Variants in LAMC3 observed in about 807,000 individuals in gnomAD.
The protein encoded by LAMC3 is laminin subunit gamma-3.
Under a neutral mutation model 173.8 loss-of-function variants are expected in LAMC3, and 128 were observed. That is an observed-to-expected ratio of 0.74 (90% CI 0.64 to 0.85). LAMC3 has a LOEUF of 0.85. Among genes scored for constraint, LAMC3 ranks in the 40% least tolerant of loss-of-function variants. The probability of loss-of-function intolerance (pLI) is 0.00; values close to 1 mark genes in which losing one functional copy is unlikely to be tolerated. For synonymous variants in LAMC3, 897 were observed against 909.1 expected (o/e 0.99, Z 0.24); for missense variants, 2,022 against 2,156.0 (o/e 0.94, Z 1.23).
intron 2 of LAMC3, 63 bp from the exon 3 acceptor site, chr9:131,031,982 C>G: frequency 6.2e-7 from 1 of 1,613,162 alleles, no homozygotes; most frequent in Non-Finnish European, 8.5e-7. Context: ...GCCAGCAGAG[C>G]GATGGGGGTA....
chr9:131,033,775 A>G (rs987250518), intron 3 of LAMC3, among the ~76,000 whole-genome samples: 2 of 152,064 alleles, frequency 1.3e-5, no homozygotes, highest in African/African-American at 4.8e-5. Context: ...CTGAGGATGG[A>G]AACGCAGCTC....
Position 131,052,861 on chromosome 9 carries a change from C to A in LAMC3, c.1835C>A (p.Thr612Asn), listed in dbSNP as rs1588152894. Residue 612 changes from threonine to asparagine, a missense_variant, in exon 11 of 28, where the codon ACC becomes AAC. Thr to Asn is a moderately conservative substitution (Grantham distance 65). Coordinates refer to ENST00000361069, the MANE Select transcript of LAMC3 (RefSeq NM_006059.4). Reference protein sequence around the residue: ...EVELRFHLQETSEDVAPPLPP... With the variant: ...EVELRFHLQENSEDVAPPLPP... Reference sequence around the variant, plus strand: ...GCTTCTCTCGCCAGCCTGCAGGAGACCTCCGAGGACGTGGCCCCTCCACTG... The same window carrying A: ...GCTTCTCTCGCCAGCCTGCAGGAGAACTCCGAGGACGTGGCCCCTCCACTG... 6.2e-7 allele frequency: 1 copy of A among 1,612,788 alleles called. No homozygotes were observed. The highest frequency in any genetic ancestry group is 8.5e-7 in the Non-Finnish European group (1 of 1,179,052).
chr9:131,045,239 A>ACAC (rs1834131021), intron 7 of LAMC3, among the ~76,000 whole-genome samples: 1 of 146,876 alleles, frequency 6.8e-6, no homozygotes, highest in Non-Finnish European at 1.5e-5. Flanking sequence ...AAAAAAAACA[A>ACAC]CAACAACAAA....
chr9:131,039,237 G>T lies in LAMC3; in HGVS notation c.1272G>T (p.Glu424Asp). ...RCLPGFHSLS[E>D]GGCRPCTCNP... ...TGCCCGGGTTCCACTCGCTCAGTGAGGGAGGCTGCAGGTGAGGGCGAGGGG... is the reference window on the plus strand; with the variant it reads ...TGCCCGGGTTCCACTCGCTCAGTGATGGAGGCTGCAGGTGAGGGCGAGGGG... The change falls in exon 6 of 28, where the codon GAG (glutamate) becomes GAT (aspartate). Residue 424 changes from glutamate (E) to aspartate (D), a missense_variant. Transcript: ENST00000361069. 4 of 1,605,030 alleles carry T rather than the reference G, an allele frequency of 2.5e-6. No homozygotes were observed. Among genetic ancestry groups the T allele is most frequent in the Non-Finnish European group, 3.4e-6 (4 of 1,179,932 alleles).
Position 131,093,633 on chromosome 9 carries a change from G to C in LAMC3, c.*1846G>C, listed in dbSNP as rs895259265. 3.9e-5 allele frequency: 6 copies of C among 152,258 alleles called. No individual in the cohort carries two copies. The highest frequency in any genetic ancestry group is 9.7e-5 in the African/African-American group (4 of 41,444). 9.4% of individuals were successfully genotyped at this position (152,258 alleles called of 1,614,324 possible). A position where few individuals can be genotyped will look rare whatever the true frequency, so the allele number is the denominator to read the frequency against. Reference sequence around the variant, plus strand: ...TCCTGAGGTGGTTTCAGCAGAAAAGGGGTGTTGGGAGGGTCGCTTGGAACC... The same window carrying C: ...TCCTGAGGTGGTTTCAGCAGAAAAGCGGTGTTGGGAGGGTCGCTTGGAACC... On this transcript the variant is annotated 3_prime_UTR_variant, in exon 28 of 28. Transcript: ENST00000361069.
chr9:131,046,180 C>CTTTTTT (rs61108655), intron 8 of LAMC3, among the ~76,000 whole-genome samples: 7 of 76,508 alleles, frequency 9.1e-5, no homozygotes, highest in Admixed American at 1.6e-4. Flanking sequence ...AGTTTTGCTC[C>CTTTTTT]TTTTTTTTTT....
intron 1 of LAMC3, among the ~76,000 whole-genome samples, chr9:131,015,946 C>T (rs1017562445): frequency 5.3e-5 from 8 of 152,194 alleles, no homozygotes; most frequent in Admixed American, 2.0e-4. Flanking sequence ...GCGTGAGCCA[C>T]GGCACCTGAC....
rs115935538 is a variant in LAMC3 at position 131,023,827 on chromosome 9, C to A, written c.374-2458C>A. Among the ~76,000 whole-genome samples, 607 of 152,248 alleles carry A rather than the reference C, an allele frequency of 4.0e-3. 4 individuals are homozygous for A. The highest frequency in any genetic ancestry group is 0.014 in the African/African-American group (578 of 41,550). ...TCATGTTGCCCTGGCTAGTTGTGAA[C>A]TCCTGCGCTCAAGCAATCTACTCCT... On this transcript the variant is annotated intron_variant, in intron 1 of 27. Coordinates refer to ENST00000361069, the MANE Select transcript of LAMC3 (RefSeq NM_006059.4).
intron 24 of LAMC3, among the ~76,000 whole-genome samples, chr9:131,084,361 C>T (rs1357887178): frequency 6.6e-6 from 1 of 151,856 alleles, no homozygotes; most frequent in Non-Finnish European, 1.5e-5. Context: ...TAGGTGTGTG[C>T]CACCATGCCC....
chr9:131,053,020 T>A, intron 11 of LAMC3, 55 bp downstream of exon 11: 1 of 1,317,312 alleles, frequency 7.6e-7, no homozygotes, highest in Non-Finnish European at 1.1e-6. Flanking sequence ...GTCTCAGAAC[T>A]GGGCTGGGCT....
chr9:131,035,579 T>C (rs533751510), intron 3 of LAMC3, among the ~76,000 whole-genome samples: 13 of 152,168 alleles, frequency 8.5e-5, no homozygotes, highest in South Asian at 4.1e-4. Flanking sequence ...ACCTCCAACA[T>C]TGGGGATTGC....
At chr9:131,058,894 G>GA (rs748695258) in intron 12 of LAMC3, among the ~76,000 whole-genome samples, 9,641 of 119,160 alleles carry the variant, frequency 0.081, 958 homozygotes, top group African/African-American at 0.22. Context: ...GACTCCAGAG[G>GA]AAAAAAGAAA....
chr9:131,047,163 C>CTATTTTTTTTTTTTTTTTTTTTTT (rs781187472), intron 8 of LAMC3, among the ~76,000 whole-genome samples: 1 of 48,582 alleles, frequency 2.1e-5, no homozygotes, highest in Non-Finnish European at 4.7e-5. Flanking sequence ...CTCTGAATTC[C>CTATTTTTTTTTTTTTTTTTTTTTT]TCTTTTTTTT....
chr9:131,037,603 G>C (rs761733039), intron 4 of LAMC3, among the ~76,000 whole-genome samples: 1 of 152,078 alleles, frequency 6.6e-6, no homozygotes, highest in Non-Finnish European at 1.5e-5. Flanking sequence ...TCCTGGGTGC[G>C]TGTTCCTCCT....
intron 1 of LAMC3, among the ~76,000 whole-genome samples, chr9:131,012,508 G>A (rs7850359): frequency 0.2 from 31,039 of 152,196 alleles, 5,569 homozygotes; most frequent in African/African-American, 0.49. Flanking sequence ...CGTCCCGGCC[G>A]CCCTGCCTCC....
intron 2 of LAMC3, 103 bp from the exon 3 acceptor site, chr9:131,031,942 C>T: frequency 1.2e-6 from 2 of 1,604,926 alleles, no homozygotes; most frequent in South Asian, 2.2e-5. Flanking sequence ...TCCTGTGTCC[C>T]AGGAGCTCCC....
intron 22 of LAMC3, among the ~76,000 whole-genome samples, chr9:131,078,046 T>A (rs1830166314): frequency 6.6e-6 from 1 of 152,120 alleles, no homozygotes; most frequent in South Asian, 2.1e-4. Flanking sequence ...GCTGCTTCCA[T>A]GGGAGCTGGA....
rs45505601 is a variant in LAMC3, at chr9:131,038,954, G to A, written c.1067G>A (p.Arg356His). 72 of 1,613,196 alleles carry A rather than the reference G, an allele frequency of 4.5e-5. 1 individual carries two copies. Among genetic ancestry groups the A allele is most frequent in the African/African-American group, 9.3e-5 (7 of 75,026 alleles). Residue 356 changes from arginine (R) to histidine (H), a missense_variant, in exon 5 of 28, where the codon CGT becomes CAT. Transcript: ENST00000361069. ...TGHGGRCHHCRDHTAGPHCER... is the reference protein window; with the variant it reads ...TGHGGRCHHCHDHTAGPHCER... ...CACGGCGGGCGCTGTCACCACTGCC[G>A]TGACCACACAGCTGGGCCACACTGT...
Position 131,039,227 on chromosome 9 carries a change from C to T in LAMC3, c.1262C>T (p.Ser421Leu), listed in dbSNP as rs376262461. 3.5e-5 allele frequency: 56 copies of T among 1,605,964 alleles called. No individual in the cohort carries two copies. Among genetic ancestry groups the T allele is most frequent in the South Asian group, 8.8e-5 (8 of 91,088 alleles). The change falls in exon 6 of 28, where the codon TCG becomes TTG. Residue 421 changes from serine to leucine, a missense_variant. Transcript: ENST00000361069. ...GACCGCTGTCTGCCCGGGTTCCACTCGCTCAGTGAGGGAGGCTGCAGGTGA... is the reference window on the plus strand; with the variant it reads ...GACCGCTGTCTGCCCGGGTTCCACTTGCTCAGTGAGGGAGGCTGCAGGTGA... Reference protein sequence around the residue: ...KCDRCLPGFHSLSEGGCRPCT... With the variant: ...KCDRCLPGFHLLSEGGCRPCT...
Sources: gnomAD v4.1 joint callset for allele counts (sites outside exome capture counted in the v4.1 genomes callset) on GRCh38, gnomAD v4.1.1 for gene constraint, MANE v1.5 for transcripts, NCBI Gene and HGNC (gene_info 2026-07-23, HGNC 2026-07-21) for gene names.